Variants in PTPRD observed in about 807,000 individuals in gnomAD.
PTPRD encodes receptor-type tyrosine-protein phosphatase delta.
A neutral mutation model predicts 214.5 loss-of-function variants in PTPRD; 34 were observed. That is an observed-to-expected ratio of 0.16 (90% CI 0.12 to 0.21). The LOEUF is 0.21. Among genes scored for constraint, PTPRD ranks in the 10% least tolerant of loss-of-function variants. The pLI, the probability that PTPRD is intolerant of heterozygous loss-of-function variation, is 1.00. For synonymous variants in PTPRD, 1,128 were observed against 845.7 expected, an observed-to-expected ratio of 1.33 and a Z score of -5.79; for missense variants, 2,545 against 2,398.7, an observed-to-expected ratio of 1.06 and a Z score of -1.27.
chr9:9,670,558 C>G (rs2096808484), intron 7 of PTPRD, among the ~76,000 whole-genome samples: 1 of 152,148 alleles, frequency 6.6e-6, no homozygotes, highest in Non-Finnish European at 1.5e-5. Context: ...CATGGCAGCC[C>G]CTCCCATCAC....
At chr9:9,137,619 G>C (rs2099853010) in intron 10 of PTPRD, among the ~76,000 whole-genome samples, 1 of 152,080 alleles carries the variant, frequency 6.6e-6, no homozygotes, top group South Asian at 2.1e-4. Context: ...ACAAGGACTG[G>C]TGCTGTTTTC....
chr9:10,507,603 A>T (rs573082525), intron 2 of PTPRD, among the ~76,000 whole-genome samples: 1 of 152,162 alleles, frequency 6.6e-6, no homozygotes, highest in South Asian at 2.1e-4. Context: ...AAACAGAGAT[A>T]TAGACCAATG....
chr9:9,865,491 C>T (rs551502446), intron 5 of PTPRD, among the ~76,000 whole-genome samples: 71 of 152,258 alleles, frequency 4.7e-4, no homozygotes, highest in Non-Finnish European at 8.1e-4. Context: ...CACCTAGGGA[C>T]ACCACAGTGT....
At chr9:10,053,163 A>G (rs2154156023) in intron 3 of PTPRD, among the ~76,000 whole-genome samples, 1 of 152,322 alleles carries the variant, frequency 6.6e-6, no homozygotes, top group East Asian at 1.9e-4. Flanking sequence ...AGATTGACTT[A>G]TGATCCATGT....
intron 12 of PTPRD, among the ~76,000 whole-genome samples, chr9:8,692,048 G>T (rs893369823): frequency 2.0e-5 from 3 of 152,042 alleles, no homozygotes; most frequent in Admixed American, 1.3e-4. Flanking sequence ...GACTCTGATG[G>T]TCTCTAAAAT....
At chr9:10,044,544 T>A (rs1297188047) in intron 3 of PTPRD, among the ~76,000 whole-genome samples, 1 of 151,830 alleles carries the variant, frequency 6.6e-6, no homozygotes, top group Non-Finnish European at 1.5e-5. Context: ...GAATCTAGAT[T>A]TGAGAATTAT....
In PTPRD at chr9:9,321,188, G is replaced by A. The variant is rs545725468; in HGVS notation, c.-203+76261C>T. Among the ~76,000 whole-genome samples the A allele has an allele frequency of 5.0e-4, 76 of 152,272 alleles. No individual in the cohort carries two copies. The Middle Eastern group carries it at 0.017, about 34-fold the overall frequency. On this transcript the variant is annotated intron_variant, in intron 9 of 45. Transcript: ENST00000381196. ...GTATTTTGATTTTTCTCATGATTCT[G>A]ATGTATGTGGTACATATACTATTTG...
intron 3 of PTPRD, among the ~76,000 whole-genome samples, chr9:10,102,609 G>A (rs1269621512): frequency 6.6e-6 from 1 of 151,198 alleles, no homozygotes. Context: ...ATCAAATATT[G>A]AATTTATGCA....
intron 3 of PTPRD, among the ~76,000 whole-genome samples, chr9:10,117,659 C>G (rs1374922876): frequency 1.3e-5 from 2 of 149,460 alleles, no homozygotes; most frequent in African/African-American, 4.9e-5. Context: ...ATTTAGAACC[C>G]ACTCTAATTC....
At chr9:8,602,843 T>A (rs972880226) in intron 14 of PTPRD, among the ~76,000 whole-genome samples, 2 of 152,238 alleles carry the variant, frequency 1.3e-5, no homozygotes, top group Admixed American at 1.3e-4. Flanking sequence ...ATCTGTATCC[T>A]AGCTTTAATT....
intron 11 of PTPRD, among the ~76,000 whole-genome samples, chr9:8,947,235 G>A (rs757256804): frequency 4.6e-5 from 7 of 151,302 alleles, no homozygotes; most frequent in Non-Finnish European, 1.0e-4. Flanking sequence ...AGGCCAAGGT[G>A]GGTGGATCAT....
chr9:9,591,841 C>T (rs2092761555), intron 7 of PTPRD, among the ~76,000 whole-genome samples: 1 of 151,908 alleles, frequency 6.6e-6, no homozygotes, highest in African/African-American at 2.4e-5. Context: ...TATTTTATAG[C>T]CATTTTGAAA....
chr9:10,508,509 T>C (rs201013968), intron 2 of PTPRD, among the ~76,000 whole-genome samples: 8 of 152,116 alleles, frequency 5.3e-5, no homozygotes, highest in East Asian at 1.9e-4. Context: ...ATGTTTATTG[T>C]GGCACTATTC....
At chr9:9,849,326 A>T (rs1019789334) in intron 5 of PTPRD, among the ~76,000 whole-genome samples, 1 of 152,072 alleles carries the variant, frequency 6.6e-6, no homozygotes, top group African/African-American at 2.4e-5. Flanking sequence ...TAAAAGAAAA[A>T]TAAAGCAATT....
At chr9:10,023,862 A>T (rs1471959254) in intron 4 of PTPRD, among the ~76,000 whole-genome samples, 3 of 152,146 alleles carry the variant, frequency 2.0e-5, no homozygotes, top group Admixed American at 6.5e-5. Flanking sequence ...CTTCTCAAAA[A>T]TGCTTCTTTG....
At chr9:9,551,571 A>C (rs1204783840) in intron 8 of PTPRD, among the ~76,000 whole-genome samples, 3 of 152,006 alleles carry the variant, frequency 2.0e-5, no homozygotes, top group Non-Finnish European at 4.4e-5. Context: ...TTGATCTTCC[A>C]GAGTACAGGC....
intron 5 of PTPRD, among the ~76,000 whole-genome samples, chr9:9,776,246 C>T (rs2098797951): frequency 1.3e-5 from 2 of 152,024 alleles, no homozygotes; most frequent in East Asian, 1.9e-4. Context: ...CCTGTTTATC[C>T]TCCTATCTAA....
intron 2 of PTPRD, among the ~76,000 whole-genome samples, chr9:10,504,136 A>AAAAAAAAAAAAAAT (rs1360943237): frequency 1.7e-4 from 25 of 145,748 alleles, no homozygotes; most frequent in Non-Finnish European, 3.3e-4. Context: ...AAAAAAAAAA[A>AAAAAAAAAAAAAAT]AAAAAGATGT....
chr9:10,541,385 G>C (rs2059073746), intron 2 of PTPRD, among the ~76,000 whole-genome samples: 1 of 152,104 alleles, frequency 6.6e-6, no homozygotes. Context: ...CAGTCACCAG[G>C]ACCTTTATGT....
Sources: allele counts gnomAD v4.1 joint callset (sites outside exome capture counted in the v4.1 genomes callset), GRCh38; gene constraint gnomAD v4.1.1; transcripts MANE v1.5; gene names NCBI Gene and HGNC (gene_info 2026-07-23, HGNC 2026-07-21).